Variants in BAZ2B observed in about 807,000 individuals in gnomAD.
BAZ2B encodes bromodomain adjacent to zinc finger domain 2B.
In BAZ2B, 91 loss-of-function variants were observed where a neutral mutation model predicts 246.0. The ratio of observed to expected loss-of-function variants is 0.37; its 90% CI spans 0.31 to 0.44. The LOEUF (loss-of-function observed/expected upper bound fraction) is 0.44, where lower values mean the gene tolerates loss of function less well. Among genes scored for constraint, BAZ2B ranks in the 20% least tolerant of loss-of-function variants. The pLI is 1.00. For missense variants in BAZ2B, 2,332 were observed against 2,533.7 expected, an observed-to-expected ratio of 0.92 and a Z score of 1.71; for synonymous variants, 855 against 860.0, an observed-to-expected ratio of 0.99 and a Z score of 0.10.
chr2:159,474,493 G>A (rs1270439991), intron 3 of BAZ2B, among the ~76,000 whole-genome samples: 1 of 152,108 alleles, frequency 6.6e-6, no homozygotes, highest in East Asian at 1.9e-4. Context: ...ACATCCATGG[G>A]TCTTGACTCT....
intron 25 of BAZ2B, among the ~76,000 whole-genome samples, chr2:159,377,921 T>C (rs1375768320): frequency 6.6e-6 from 1 of 152,126 alleles, no homozygotes; most frequent in Admixed American, 6.5e-5. Flanking sequence ...AAATGTATGG[T>C]TTGTTAGTTC....
chr2:159,444,392 C>T (rs567964419), intron 6 of BAZ2B: 1 of 152,282 alleles, frequency 6.6e-6, no homozygotes, highest in African/African-American at 2.4e-5. Context: ...CGTCAAGCTT[C>T]TTAGCATTAC....
Position 159,348,776 on chromosome 2 carries a change from T to C in BAZ2B, c.5195A>G (p.Lys1732Arg), listed in dbSNP as rs2058247106. Residue 1732 changes from lysine to arginine, a missense_variant, in exon 30 of 37, where the codon AAA becomes AGA. Physicochemically the swap from Lys to Arg is conservative, Grantham distance 26. Coordinates refer to ENST00000392783, the MANE Select transcript of BAZ2B (RefSeq NM_013450.4). ...IDPEDLKALL[K>R]VLHLRGIREK... Reference sequence around the variant, plus strand: ...TCTTATTCCTCTGAGATGCAGCACTTTGAGCAAAGCTTTTAGGTCCTCTGG... The same window carrying C: ...TCTTATTCCTCTGAGATGCAGCACTCTGAGCAAAGCTTTTAGGTCCTCTGG... 1 of 1,613,376 alleles carries C rather than the reference T, an allele frequency of 6.2e-7. No homozygotes were observed. The highest frequency in any genetic ancestry group is 8.5e-7 in the Non-Finnish European group (1 of 1,179,824).
At chr2:159,644,522 G>T in the BAZ2B span, among the ~76,000 whole-genome samples, 1 of 152,178 alleles carries the variant, frequency 6.6e-6, no homozygotes, top group East Asian at 1.9e-4. Flanking sequence ...AGTGCTGGTA[G>T]TAGCAGCACT....
chr2:159,441,709 G>C (rs1290677865), intron 6 of BAZ2B, among the ~76,000 whole-genome samples: 1 of 152,058 alleles, frequency 6.6e-6, no homozygotes, highest in African/African-American at 2.4e-5. Context: ...GAGTGCAATG[G>C]TGCTTTCATA....
At chr2:159,469,170 G>T (rs1316844841) in intron 3 of BAZ2B, among the ~76,000 whole-genome samples, 1 of 151,210 alleles carries the variant, frequency 6.6e-6, no homozygotes, top group African/African-American at 2.4e-5. Context: ...CCAAAAGCTT[G>T]TTCTTAAAAA....
At chr2:159,574,535 ACTACAAACATATGTCCATAAAAAAAC>A (rs929690735) in intron 1 of BAZ2B, among the ~76,000 whole-genome samples, 1 of 152,134 alleles carries the variant, frequency 6.6e-6, no homozygotes, top group African/African-American at 2.4e-5. Flanking sequence ...GCACAAGAGA[ACTACAAACATATGTCCATAAAAAAAC>A]CTACACGTAT....
intron 2 of BAZ2B, among the ~76,000 whole-genome samples, chr2:159,553,032 T>C (rs2088521274): frequency 6.6e-6 from 1 of 152,160 alleles, no homozygotes; most frequent in African/African-American, 2.4e-5. Flanking sequence ...CCAAAATGTG[T>C]ATCCAAGGTA....
At chr2:159,471,025 G>A (rs1331647483) in intron 3 of BAZ2B, among the ~76,000 whole-genome samples, 17 of 147,008 alleles carry the variant, frequency 1.2e-4, no homozygotes, top group African/African-American at 3.5e-4. Context: ...GAATCTGGGG[G>A]AAAAAAAAAA....
chr2:159,407,531 A>G (rs2066148965), intron 14 of BAZ2B, among the ~76,000 whole-genome samples: 1 of 152,216 alleles, frequency 6.6e-6, no homozygotes, highest in Non-Finnish European at 1.5e-5. Context: ...AAAATCTTTA[A>G]GCAAAGTTTA....
At position 159,400,633 on chromosome 2, in the gene BAZ2B, A is replaced by G. The variant is rs1253512790; in HGVS notation, c.2864T>C (p.Met955Thr). 5 of 1,577,830 alleles carry G rather than the reference A, an allele frequency of 3.2e-6. No individual in the cohort carries two copies. Among genetic ancestry groups the G allele is most frequent in the Non-Finnish European group, 3.5e-6 (4 of 1,153,452 alleles). ...TTGCTGAGCTCGAAGTTCTTTTTCC[A>G]TTCTGATTTGCTGTATTCTCTTAAT... ...EKIKRIQQIRMEKELRAQQIL... is the reference protein window; with the variant it reads ...EKIKRIQQIRTEKELRAQQIL... The change falls in exon 17 of 37, where the codon ATG (methionine) becomes ACG (threonine). Residue 955 changes from methionine (M) to threonine (T), a missense_variant. Around this residue, in one of 9 missense-constraint regions of BAZ2B, gnomAD observed 328 missense variants for 410.4 expected, o/e 0.80. Coordinates refer to ENST00000392783, the MANE Select transcript of BAZ2B (RefSeq NM_013450.4).
At chr2:159,324,625 TACACACACACACACACACACACACAC>T (rs60009917) in intron 36 of BAZ2B, among the ~76,000 whole-genome samples, 160 bp downstream of exon 36, 24,533 of 132,982 alleles carry the variant, frequency 0.18, 2,445 homozygotes, top group South Asian at 0.32. Context: ...TCTAACCAAA[TACACACACACACACACACACACACAC>T]ACACACACAC....
At chr2:159,495,517 T>A (rs867609071) in intron 2 of BAZ2B, among the ~76,000 whole-genome samples, 7,622 of 126,728 alleles carry the variant, frequency 0.06, 645 homozygotes, top group Admixed American at 0.22. Context: ...AAAAAAAAAA[T>A]TTAATATGAA....
At chr2:159,621,405 G>T (rs1696426018), upstream of BAZ2B, among the ~76,000 whole-genome samples, 6 of 152,054 alleles carry the variant, frequency 3.9e-5, no homozygotes, top group Admixed American at 3.9e-4. Context: ...ACGGCTGTAA[G>T]CACAAATTTG....
At chr2:159,652,881 G>C in the BAZ2B span, among the ~76,000 whole-genome samples, 2 of 152,098 alleles carry the variant, frequency 1.3e-5, no homozygotes, top group Non-Finnish European at 2.9e-5. Flanking sequence ...GCCTCCTAAA[G>C]TGCTGGAATT....
intron 2 of BAZ2B, among the ~76,000 whole-genome samples, chr2:159,546,477 G>A (rs761305924): frequency 2.7e-5 from 4 of 147,328 alleles, no homozygotes; most frequent in Admixed American, 1.4e-4. Context: ...CGTGAAAATG[G>A]ACTAATACAT....
intron 1 of BAZ2B, among the ~76,000 whole-genome samples, chr2:159,612,344 C>CA (rs1272982085): frequency 6.6e-6 from 1 of 151,616 alleles, no homozygotes; most frequent in Non-Finnish European, 1.5e-5. Flanking sequence ...TTTATGTAAC[C>CA]AAAAAAACTC....
At chr2:159,374,592 A>T in intron 26 of BAZ2B, 99 bp downstream of exon 26, 1 of 975,272 alleles carries the variant, frequency 1.0e-6, no homozygotes, top group Non-Finnish European at 1.6e-6. Context: ...ACTCACCAAA[A>T]GCCTATTTTT....
At chr2:159,674,711 C>T in the BAZ2B span, among the ~76,000 whole-genome samples, 2 of 146,980 alleles carry the variant, frequency 1.4e-5, no homozygotes, top group Admixed American at 6.7e-5. Context: ...AATGAAGCTC[C>T]GTCTTAAAAA....
Sources: gnomAD v4.1 joint callset for allele counts (sites outside exome capture counted in the v4.1 genomes callset) on GRCh38, gnomAD v4.1.1 for gene constraint, gnomAD v4.1.1 regional missense constraint, MANE v1.5 for transcripts, NCBI Gene and HGNC (gene_info 2026-07-23, HGNC 2026-07-21) for gene names.